IL1RAPL1: variants seen among roughly 807,000 people sequenced by gnomAD.
IL1RAPL1 encodes interleukin-1 receptor accessory protein-like 1.
IL1RAPL1 carries 3 observed loss-of-function variants against 48.4 expected under a neutral mutation model. The observed-to-expected ratio is 0.06, with a 90% CI of 0.03 to 0.16. IL1RAPL1 has a LOEUF of 0.16. Ranked by LOEUF, IL1RAPL1 falls within the 10% of genes least tolerant of loss-of-function variation. The pLI, the probability that IL1RAPL1 is intolerant of heterozygous loss-of-function variation, is 1.00. For synonymous variants in IL1RAPL1, 185 were observed against 187.7 expected, an observed-to-expected ratio of 0.99 and a Z score of 0.12; for missense variants, 349 against 530.6, an observed-to-expected ratio of 0.66 and a Z score of 3.36.
chrX:28,894,389 G>T (rs887272756), intron 2 of IL1RAPL1, among the ~76,000 whole-genome samples: 5 of 111,060 alleles, frequency 4.5e-5, no homozygotes, highest in Admixed American at 1.9e-4. Context: ...TGTGTTCAGG[G>T]TGAGGAACAG....
At chrX:29,245,789 G>A (rs377746886) in intron 2 of IL1RAPL1, among the ~76,000 whole-genome samples, 1 of 110,897 alleles carries the variant, frequency 9.0e-6, no homozygotes, top group Non-Finnish European at 1.9e-5. Context: ...ATTAGCTCCC[G>A]TTTGCCACTT....
At chrX:28,902,413 C>G (rs778278311) in intron 2 of IL1RAPL1, among the ~76,000 whole-genome samples, 2 of 45,448 alleles carry the variant, frequency 4.4e-5, no homozygotes, top group Non-Finnish European at 8.8e-5. Flanking sequence ...TTCCTACTTC[C>G]TAGGGAACCC....
chrX:28,720,794 C>T (rs988000713), intron 1 of IL1RAPL1, among the ~76,000 whole-genome samples: 1 of 111,346 alleles, frequency 9.0e-6, no homozygotes, highest in African/African-American at 3.3e-5. Context: ...TGTTCCCCTT[C>T]CTGTGTCCAG....
intron 5 of IL1RAPL1, among the ~76,000 whole-genome samples, chrX:29,538,957 CA>C (rs749686665): frequency 5.4e-5 from 6 of 110,776 alleles, no homozygotes; most frequent in Non-Finnish European, 1.1e-4. Flanking sequence ...GATTCATAGC[CA>C]AAAATCTACC....
At position 29,077,870 on chromosome X, in the gene IL1RAPL1, T is replaced by C. The variant is rs1449276134; in HGVS notation, c.83-205068T>C. On this transcript the variant is annotated intron_variant, in intron 2 of 10. Transcript: ENST00000378993. ...AAAGTGAGGGTGGTGGTCATAAATC[T>C]GGGAGTCCCAGAGAGGTAGACTGAT... 4.5e-5 allele frequency among the ~76,000 whole-genome samples: 5 copies of C among 111,584 alleles called. No individual in the cohort carries two copies. In the East Asian group the frequency reaches 1.4e-3, roughly 31 times the overall value.
At chrX:28,632,090 C>G (rs1178286526) in intron 1 of IL1RAPL1, among the ~76,000 whole-genome samples, 1 of 112,307 alleles carries the variant, frequency 8.9e-6, no homozygotes, top group Non-Finnish European at 1.9e-5. Flanking sequence ...TTTACTAGGG[C>G]TGCCATAATA....
At chrX:29,826,446 A>G (rs1930741000) in intron 6 of IL1RAPL1, among the ~76,000 whole-genome samples, 1 of 111,951 alleles carries the variant, frequency 8.9e-6, no homozygotes, top group African/African-American at 3.3e-5. Flanking sequence ...AATTATTTAT[A>G]GAGTTGTGCA....
At position 29,917,602 on chromosome X, in the gene IL1RAPL1, T is replaced by TG; in HGVS notation, c.911+6_911+7insG. ...GTTTGGGAAAGTGACATTAGGTAATTTTTTTTCCTTTTAACCTGTATAGTC... is the reference window on the plus strand; with the variant it reads ...GTTTGGGAAAGTGACATTAGGTAATTGTTTTTTCCTTTTAACCTGTATAGTC... On this transcript the variant is annotated splice_region_variant and intron_variant, in intron 7 of 10. Transcript: ENST00000378993. 1 of 1,193,047 alleles carries TG rather than the reference T, an allele frequency of 8.4e-7. No individual in the cohort carries two copies. Among genetic ancestry groups the TG allele is most frequent in the Non-Finnish European group, 1.1e-6 (1 of 879,252 alleles).
chrX:28,876,759 A>C (rs895968531), intron 2 of IL1RAPL1, among the ~76,000 whole-genome samples: 1 of 110,984 alleles, frequency 9.0e-6, no homozygotes, highest in Non-Finnish European at 1.9e-5. Context: ...TGCTGGAAAA[A>C]AAAAAAACTA....
At chrX:29,199,928 A>T (rs770420827) in intron 2 of IL1RAPL1, among the ~76,000 whole-genome samples, 30 of 112,214 alleles carry the variant, frequency 2.7e-4, no homozygotes, top group Non-Finnish European at 5.4e-4. Flanking sequence ...CACTTATTTA[A>T]TCATATGTAC....
chrX:28,848,038 A>C (rs755351258), intron 2 of IL1RAPL1, among the ~76,000 whole-genome samples: 1 of 111,512 alleles, frequency 9.0e-6, no homozygotes, highest in African/African-American at 3.3e-5. Context: ...GCTGGAAACC[A>C]TCATTCTCAG....
intron 2 of IL1RAPL1, among the ~76,000 whole-genome samples, chrX:29,069,162 T>C (rs1402176719): frequency 1.8e-5 from 2 of 111,891 alleles, no homozygotes; most frequent in African/African-American, 3.2e-5. Flanking sequence ...CATATTCTAA[T>C]ATGGGAAAAA....
intron 3 of IL1RAPL1, among the ~76,000 whole-genome samples, chrX:29,342,245 A>G (rs1196788075): frequency 9.0e-6 from 1 of 111,189 alleles, no homozygotes; most frequent in African/African-American, 3.3e-5. Context: ...AAAACCAAAG[A>G]CCAGAATAAG....
At chrX:28,780,538 A>G (rs1350321250) in intron 1 of IL1RAPL1, among the ~76,000 whole-genome samples, 4 of 110,963 alleles carry the variant, frequency 3.6e-5, no homozygotes, top group Non-Finnish European at 7.6e-5. Context: ...TTAGAAACGT[A>G]TGGCTTTTAC....
At position 29,324,088 on chromosome X, in the gene IL1RAPL1, G is replaced by A. The variant is rs184222616; in HGVS notation, c.362+40871G>A. Among the ~76,000 whole-genome samples, 602 of 108,651 alleles carry A rather than the reference G, an allele frequency of 5.5e-3. 6 individuals carry two copies. Among genetic ancestry groups the A allele is most frequent in the African/African-American group, 0.02 (584 of 29,752 alleles). 94.4% of individuals were successfully genotyped at this position (108,651 alleles called of 115,157 possible). A position where few individuals can be genotyped will look rare whatever the true frequency, so the allele number is the denominator to read the frequency against. ...ATAGCATTTTTGGATTTTGAAGCAC[G>A]GCATACCTTTTAACGTGTGTATAAG... On this transcript the variant is annotated intron_variant, in intron 3 of 10. Transcript: ENST00000378993.
chrX:29,614,805 A>C (rs1047898974), intron 5 of IL1RAPL1, among the ~76,000 whole-genome samples: 38 of 111,925 alleles, frequency 3.4e-4, no homozygotes, highest in African/African-American at 1.1e-3. Context: ...TGTTTAAGCC[A>C]ATAGATGTCT....
chrX:28,933,347 C>T (rs1027049492), intron 2 of IL1RAPL1, among the ~76,000 whole-genome samples: 5 of 111,571 alleles, frequency 4.5e-5, no homozygotes, highest in Non-Finnish European at 9.4e-5. Context: ...CCAGAACATT[C>T]AGTTTTCTGA....
intron 6 of IL1RAPL1, among the ~76,000 whole-genome samples, chrX:29,844,149 G>T (rs1931196792): frequency 8.9e-6 from 1 of 111,970 alleles, no homozygotes; most frequent in Admixed American, 9.5e-5. Flanking sequence ...CATCCATTCA[G>T]TAAATATGTA....
intron 2 of IL1RAPL1, among the ~76,000 whole-genome samples, chrX:29,162,945 C>T (rs978746855): frequency 4.6e-5 from 5 of 109,257 alleles, no homozygotes; most frequent in African/African-American, 6.7e-5. Context: ...TGGTGGTGGG[C>T]GCCTGTAATC....
Sources: allele counts gnomAD v4.1 joint callset (sites outside exome capture counted in the v4.1 genomes callset), GRCh38; gene constraint gnomAD v4.1.1; transcripts MANE v1.5; gene names NCBI Gene and HGNC (gene_info 2026-07-23, HGNC 2026-07-21).